PC: variants seen among roughly 807,000 people sequenced by gnomAD.
PC encodes pyruvate carboxylase, mitochondrial.
A neutral mutation model predicts 107.8 loss-of-function variants in PC; 46 were observed. The observed-to-expected ratio is 0.43, with a 90% CI of 0.34 to 0.55. The LOEUF (loss-of-function observed/expected upper bound fraction) is 0.55, where lower values mean the gene tolerates loss of function less well. PC is among the 20% of genes least tolerant of loss of function. The pLI is 0.04. For synonymous variants in PC, 662 were observed against 684.7 expected (o/e 0.97, Z 0.52); for missense variants, 1,241 against 1,643.1 (o/e 0.76, Z 4.23).
chr11:66,879,096 G>A (rs1028999864), intron 3 of PC, among the ~76,000 whole-genome samples: 9 of 152,150 alleles, frequency 5.9e-5, no homozygotes, highest in African/African-American at 9.7e-5. Context: ...TGAACAGAGG[G>A]CCAGGGAGGA....
chr11:66,885,988 T>C (rs1947345008), intron 3 of PC, among the ~76,000 whole-genome samples: 1 of 152,208 alleles, frequency 6.6e-6, no homozygotes, highest in Non-Finnish European at 1.5e-5. Context: ...CACATCCTGA[T>C]GCAGGCCACA....
chr11:66,862,798 CCCA>C (rs747241750), intron 12 of PC, among the ~76,000 whole-genome samples: 1 of 152,220 alleles, frequency 6.6e-6, no homozygotes, highest in Non-Finnish European at 1.5e-5. Flanking sequence ...AGGCAGGGCA[CCCA>C]CCAAGGCCAC....
At position 66,870,880 on chromosome 11, in the gene PC, TCTC is replaced by T; in HGVS notation, c.643_645del (p.Glu215del). 1 of 1,612,984 alleles carries T rather than the reference TCTC, an allele frequency of 6.2e-7. No homozygotes were observed. The highest frequency in any genetic ancestry group is 8.5e-7 in the Non-Finnish European group (1 of 1,179,948). ...GCCTCTGAGTAGGCCCGGGTGTAATTCTCCTCCAGCTCCTGCGAGGGCGGGCAG... is the reference window on the plus strand; with the variant it reads ...GCCTCTGAGTAGGCCCGGGTGTAATTCTCCAGCTCCTGCGAGGGCGGGCAG... On this transcript the variant is annotated inframe_deletion, in exon 8 of 23. Transcript: ENST00000393960. This position sits in a 1 kb window ranked among gnomAD's most constrained non-coding sequence, Gnocchi z 6.1.
Position 66,851,798 on chromosome 11 carries a change from C to G in PC, c.1974G>C (p.Val658=), listed in dbSNP as rs745327162. 2 of 1,614,150 alleles carry G rather than the reference C, an allele frequency of 1.2e-6. No individual in the cohort carries two copies. Among genetic ancestry groups the G allele is most frequent in the Middle Eastern group, 3.3e-4 (2 of 6,062 alleles). The part of the protein sequence containing the change: ...AVGYTNYPDN[V]VFKFCEVAKE... ...CCCCACCCCAGGCTCACTTGAAGACCACGTTGTCTGGGTAGTTGGTGTAGC... is the reference window on the plus strand; with the variant it reads ...CCCCACCCCAGGCTCACTTGAAGACGACGTTGTCTGGGTAGTTGGTGTAGC... The change falls in exon 16 of 23, where the codon GTG becomes GTC. Residue 658 remains valine (V), a synonymous_variant. Transcript: ENST00000393960.
Position 66,858,546 on chromosome 11 carries a change from T to C in PC, c.1369-5163A>G, listed in dbSNP as rs759967981. Reference sequence around the variant, plus strand: ...CCCGCCCGGCCTGGCCGGCCGCTACTTCTGGGCAGTGCCCGAGGGCGAGTT... The same window carrying C: ...CCCGCCCGGCCTGGCCGGCCGCTACCTCTGGGCAGTGCCCGAGGGCGAGTT... On this transcript the variant is annotated intron_variant, in intron 12 of 22. Coordinates refer to ENST00000393960, the MANE Select transcript of PC (RefSeq NM_001040716.2). The surrounding 1 kb of genome is among the most constrained non-coding windows in gnomAD (Gnocchi z 5.9). 2 of 1,533,758 alleles carry C rather than the reference T, an allele frequency of 1.3e-6. No individual in the cohort carries two copies. The highest frequency in any genetic ancestry group is 1.7e-6 in the Non-Finnish European group (2 of 1,145,102).
At chr11:66,929,965 T>G (rs991351794) in intron 3 of PC, among the ~76,000 whole-genome samples, 3 of 151,914 alleles carry the variant, frequency 2.0e-5, no homozygotes, top group Non-Finnish European at 2.9e-5. Flanking sequence ...AACCTGAGCT[T>G]CAGTTTTCAA....
At chr11:66,939,467 C>A (rs1416339124) in intron 3 of PC, among the ~76,000 whole-genome samples, 2 of 152,126 alleles carry the variant, frequency 1.3e-5, no homozygotes, top group Admixed American at 1.3e-4. Context: ...CCTTTACCAC[C>A]TTAAAGGGGA....
intron 3 of PC, among the ~76,000 whole-genome samples, chr11:66,909,440 C>T (rs575808651): frequency 1.3e-5 from 2 of 152,322 alleles, no homozygotes; most frequent in African/African-American, 2.4e-5. Context: ...GGTGTCCCTG[C>T]CGCTCCCCCC....
chr11:66,852,889 A>G lies in PC; in HGVS notation c.1514-53T>C. The G allele has an allele frequency of 7.5e-7, 1 of 1,337,436 alleles. No individual in the cohort carries two copies. Among genetic ancestry groups the G allele is most frequent in the Non-Finnish European group, 1.0e-6 (1 of 962,882 alleles). 82.8% of individuals were successfully genotyped at this position (1,337,436 alleles called of 1,614,324 possible). On this transcript the variant is annotated intron_variant, in intron 13 of 22. Transcript: ENST00000393960. The surrounding 1 kb of genome is among the most constrained non-coding windows in gnomAD (Gnocchi z 4.7). ...GGTGGGCTGGGCAGAGGCTGAGTCG[A>G]GGGCAGCAGTGAGAGTGGCTGGGCT...
chr11:66,947,418 CT>C (rs1404415805), intron 3 of PC, among the ~76,000 whole-genome samples: 1 of 151,206 alleles, frequency 6.6e-6, no homozygotes, highest in Non-Finnish European at 1.5e-5. Context: ...CCCGTCTCTA[CT>C]AAAAATACAA....
In PC at chr11:66,872,133, C is replaced by T. The variant is rs1367952248; in HGVS notation, c.27G>A (p.Gly9=). The part of the protein sequence containing the change: MLKFRTVH[G]GLRLLGIRRT... ...GGCGGATTCCCAGGAGCCTCAGGCC[C>T]CCATGGACTGTTCGGAACTTCAGCA... Residue 9 remains glycine (G), a synonymous_variant, in exon 4 of 23, where the codon GGG becomes GGA. Transcript: ENST00000393960. 6.3e-7 allele frequency: 1 copy of T among 1,581,912 alleles called. No homozygotes were observed. The highest frequency in any genetic ancestry group is 8.6e-7 in the Non-Finnish European group (1 of 1,164,922).
At position 66,871,160 on chromosome 11, in the gene PC, C is replaced by G. The variant is rs370278016; in HGVS notation, c.525G>C (p.Thr175=). The G allele has an allele frequency of 2.5e-5, 41 of 1,613,580 alleles. No homozygotes were observed. Among genetic ancestry groups the G allele is most frequent in the Non-Finnish European group, 3.4e-5 (40 of 1,179,766 alleles). The change falls in exon 7 of 23, where the codon ACG becomes ACC. Residue 175 remains threonine, a synonymous_variant. Transcript: ENST00000393960. The surrounding 1 kb of genome is among the most constrained non-coding windows in gnomAD (Gnocchi z 7.4). ...PVVPGTDAPI[T]SLHEAHEFSN... ...AGAACTCGTGGGCCTCATGCAGGGA[C>G]GTGATGGGGGCATCTGTGCCAGGGA...
At chr11:66,907,112 A>G (rs1317740953) in intron 3 of PC, among the ~76,000 whole-genome samples, 2 of 152,244 alleles carry the variant, frequency 1.3e-5, no homozygotes, top group Admixed American at 1.3e-4. Flanking sequence ...GACCACTGGC[A>G]GCCATGCCAT....
chr11:66,931,038 C>T (rs938940742), intron 3 of PC, among the ~76,000 whole-genome samples: 1 of 151,982 alleles, frequency 6.6e-6, no homozygotes, highest in Non-Finnish European at 1.5e-5. Context: ...GGTTGGCTAT[C>T]GGTGGGAAAA....
At chr11:66,853,544 C>T (rs1278988238) in intron 12 of PC, among the ~76,000 whole-genome samples, 161 bp from the exon 13 acceptor site, 1 of 152,168 alleles carries the variant, frequency 6.6e-6, no homozygotes, top group East Asian at 1.9e-4. Flanking sequence ...CAGCCCTCTC[C>T]TCACTCCAGC....
chr11:66,922,553 T>TAAAA (rs1198835228), intron 3 of PC, among the ~76,000 whole-genome samples: 4 of 84,358 alleles, frequency 4.7e-5, no homozygotes, highest in Non-Finnish European at 9.3e-5. Flanking sequence ...GACTTTGTCT[T>TAAAA]AAAAAAAAAA....
Position 66,853,309 on chromosome 11 carries a change from G to A in PC, c.1443C>T (p.Ile481=), listed in dbSNP as rs375389054. Residue 481 remains isoleucine (I), a synonymous_variant, in exon 13 of 23, where the codon ATC becomes ATT. Coordinates refer to ENST00000393960, the MANE Select transcript of PC (RefSeq NM_001040716.2). ...GCTGGAACAGCTCTGGGTTCTCGTC[G>A]ATGAACTGGGTGTCCACAGTGCCTG... is the stretch of plus-strand genomic sequence containing the variant. ...FLAGTVDTQF[I]DENPELFQLR... is the part of the protein sequence containing the mutation. The A allele has an allele frequency of 3.3e-5, 54 of 1,613,922 alleles. No homozygotes were observed. The Middle Eastern group carries it at 9.9e-4, about 29-fold the overall frequency.
Position 66,849,046 on chromosome 11 carries a change from C to T in PC, c.3390G>A (p.Lys1130=), listed in dbSNP as rs200166901. The change falls in exon 23 of 23, where the codon AAG becomes AAA. Residue 1130 remains lysine (K), a synonymous_variant. Coordinates refer to ENST00000393960, the MANE Select transcript of PC (RefSeq NM_001040716.2). ...CACACAGGGGCTGGCCCTTGGCCAC[C>T]TTGGCCCCTGCCACCACTTTGATGT... ...VIDIKVVAGA[K]VAKGQPLCVL... 5 of 1,614,086 alleles carry T rather than the reference C, an allele frequency of 3.1e-6. No individual in the cohort carries two copies. The highest frequency in any genetic ancestry group is 4.2e-6 in the Non-Finnish European group (5 of 1,180,036).
chr11:66,856,244 C>G (rs1016704170), intron 12 of PC, among the ~76,000 whole-genome samples: 3 of 152,236 alleles, frequency 2.0e-5, no homozygotes, highest in African/African-American at 7.2e-5. Flanking sequence ...GGGCCGCAGG[C>G]GCTGCGAGGA....
Sources: gnomAD v4.1 joint callset for allele counts (sites outside exome capture counted in the v4.1 genomes callset) on GRCh38, gnomAD v4.1.1 for gene constraint, Gnocchi (gnomAD v3.1) non-coding constraint, MANE v1.5 for transcripts, NCBI Gene and HGNC (gene_info 2026-07-23, HGNC 2026-07-21) for gene names.